Variants in SHPRH observed in about 807,000 individuals in gnomAD.
SHPRH encodes the protein SNF2 histone linker PHD RING helicase.
In SHPRH, 106 loss-of-function variants were observed where a neutral mutation model predicts 202.5. That is an observed-to-expected ratio of 0.52 (90% confidence interval 0.45 to 0.62). The LOEUF is 0.62. Ranked by LOEUF, SHPRH falls within the 20% of genes least tolerant of loss-of-function variation. SHPRH has a pLI of 0.00. For missense variants in SHPRH, 1,710 were observed against 2,020.0 expected (o/e 0.85, Z 2.94); for synonymous variants, 729 against 686.0 (o/e 1.06, Z -0.98).
intron 6 of SHPRH, 44 bp from the exon 7 acceptor site, chr6:145,946,385 A>G: frequency 6.9e-7 from 1 of 1,454,478 alleles, no homozygotes; most frequent in African/African-American, 1.4e-5. Flanking sequence ...TTTTGCTTTC[A>G]GTATTCTGAA....
In SHPRH at chr6:145,947,522, C is replaced by A; in HGVS notation, c.1183G>T (p.Val395Phe). 6.2e-7 allele frequency: 1 copy of A among 1,612,836 alleles called. No homozygotes were observed. Among genetic ancestry groups the A allele is most frequent in the Non-Finnish European group, 8.5e-7 (1 of 1,179,202 alleles). Residue 395 changes from valine (V) to phenylalanine (F), a missense_variant, in exon 6 of 30, where the codon GTC becomes TTC. By Grantham distance (50) the Val-to-Phe change is conservative. This residue lies in a region of SHPRH where 348 missense variants were observed against 356.9 expected (regional missense o/e 0.97). Coordinates refer to ENST00000275233, the MANE Select transcript of SHPRH (RefSeq NM_001042683.3). The part of the protein sequence containing the change: ...ALILTHTRQD[V>F]KQDALTLPEG... ...GGAAGAGTGAGAGCATCTTGCTTGA[C>A]ATCTTGTCGAGTATGTGTCAGAATC...
At chr6:145,948,035 ATC>A (rs1426610109) in intron 5 of SHPRH, among the ~76,000 whole-genome samples, 1 of 152,054 alleles carries the variant, frequency 6.6e-6, no homozygotes, top group South Asian at 2.1e-4. Flanking sequence ...TTAAATAATA[ATC>A]TCTTTTAGTC....
intron 25 of SHPRH, chr6:145,903,263 ATGTT>A (rs1280722231): frequency 2.0e-5 from 3 of 151,816 alleles, no homozygotes; most frequent in African/African-American, 7.2e-5. Context: ...TTTCACTCAG[ATGTT>A]TATTTTAATT....
intron 11 of SHPRH, among the ~76,000 whole-genome samples, chr6:145,936,978 C>CTTCT (rs1390044172): frequency 1.6e-4 from 20 of 125,662 alleles, no homozygotes; most frequent in African/African-American, 6.0e-4. Flanking sequence ...CATGCTTCAT[C>CTTCT]TTTTTTTTTT....
At chr6:145,926,088 C>A in intron 16 of SHPRH, 116 bp downstream of exon 16, 1 of 962,886 alleles carries the variant, frequency 1.0e-6, no homozygotes, top group Non-Finnish European at 1.5e-6. Flanking sequence ...ATCAAAGTAA[C>A]AGGAAAACAT....
chr6:145,902,727 A>C (rs1462603521), intron 25 of SHPRH, among the ~76,000 whole-genome samples: 1 of 152,094 alleles, frequency 6.6e-6, no homozygotes, highest in Non-Finnish European at 1.5e-5. Context: ...TAGACTATTC[A>C]ATTGTTTACA....
chr6:145,949,005 T>C lies in SHPRH; in HGVS notation c.983-655A>G, dbSNP rs984362315. On this transcript the variant is annotated intron_variant, in intron 4 of 29. Transcript: ENST00000275233. Reference sequence around the variant, plus strand: ...TTTAATTGGCTTCTTTAGAGATTAATAGATATTTTATATTTTTATATTCTA... The same window carrying C: ...TTTAATTGGCTTCTTTAGAGATTAACAGATATTTTATATTTTTATATTCTA... Among the ~76,000 whole-genome samples the C allele has an allele frequency of 5.3e-5, 8 of 152,008 alleles. No homozygotes were observed. In the South Asian group the frequency reaches 1.7e-3, roughly 31 times the overall value.
chr6:145,906,540 G>A (rs541224898), intron 25 of SHPRH: 1 of 152,134 alleles, frequency 6.6e-6, no homozygotes, highest in South Asian at 2.1e-4. Flanking sequence ...TTCTTTTCAA[G>A]AAACTTGTAT....
At position 145,941,691 on chromosome 6, in the gene SHPRH, G is replaced by C; in HGVS notation, c.2422C>G (p.Leu808Val). 1 of 1,614,000 alleles carries C rather than the reference G, an allele frequency of 6.2e-7. No individual in the cohort carries two copies. Among genetic ancestry groups the C allele is most frequent in the South Asian group, 1.1e-5 (1 of 91,078 alleles). ...ATCCTCCACCACTCCACAGCTACCA[G>C]GGGGCTCGGGATAGCCATATAGCGC... ...QKRYMAIPSPLVAVEWWRICL... is the reference protein window; with the variant it reads ...QKRYMAIPSPVVAVEWWRICL... The change falls in exon 10 of 30, where the codon CTG becomes GTG. Residue 808 changes from leucine (L) to valine (V), a missense_variant. Coordinates refer to ENST00000275233, the MANE Select transcript of SHPRH (RefSeq NM_001042683.3).
At chr6:145,954,527 G>C (rs911145116) in intron 2 of SHPRH, among the ~76,000 whole-genome samples, 163 bp downstream of exon 2, 1 of 152,110 alleles carries the variant, frequency 6.6e-6, no homozygotes, top group Non-Finnish European at 1.5e-5. Context: ...AAAATGATTA[G>C]TTGTAACATA....
chr6:145,889,998 A>G (rs1274427666), intron 28 of SHPRH, among the ~76,000 whole-genome samples: 1 of 152,188 alleles, frequency 6.6e-6, no homozygotes, highest in Non-Finnish European at 1.5e-5. Context: ...ACTCAAGGAC[A>G]TTGTCAAGCA....
chr6:145,903,882 A>G (rs1782721247), intron 25 of SHPRH: 1 of 152,090 alleles, frequency 6.6e-6, no homozygotes, highest in African/African-American at 2.4e-5. Flanking sequence ...CAGTTGTCAG[A>G]ACTTGCAAGG....
At chr6:145,872,171 G>A (rs939481419) in intron 2 of SHPRH, among the ~76,000 whole-genome samples, 6 of 152,112 alleles carry the variant, frequency 3.9e-5, no homozygotes, top group Admixed American at 2.6e-4. Context: ...AAAAGCAATT[G>A]CAACAAAAGC....
At chr6:145,871,825 C>G (rs1045238390) in intron 2 of SHPRH, among the ~76,000 whole-genome samples, 1 of 152,150 alleles carries the variant, frequency 6.6e-6, no homozygotes, top group African/African-American at 2.4e-5. Context: ...ACCAAAATAG[C>G]ACGGTACTGG....
At chr6:145,927,117 T>C (rs1784950941) in intron 15 of SHPRH, 72 bp downstream of exon 15, 1 of 1,385,792 alleles carries the variant, frequency 7.2e-7, no homozygotes, top group Non-Finnish European at 1.0e-6. Context: ...TTTATCCTCT[T>C]AAACATTCAG....
At chr6:145,958,296 T>C (rs1178542222) in intron 1 of SHPRH, among the ~76,000 whole-genome samples, 2 of 152,180 alleles carry the variant, frequency 1.3e-5, no homozygotes, top group African/African-American at 4.8e-5. Context: ...TTCTTATACA[T>C]AAATTATATC....
chr6:145,884,291 A>T (rs1176756069), downstream of SHPRH: 1 of 152,192 alleles, frequency 6.6e-6, no homozygotes, highest in Non-Finnish European at 1.5e-5. Flanking sequence ...ATACAAAGAG[A>T]AATGTGACGC....
intron 21 of SHPRH, among the ~76,000 whole-genome samples, chr6:145,920,151 G>C (rs1324308545): frequency 6.6e-6 from 1 of 152,056 alleles, no homozygotes; most frequent in Non-Finnish European, 1.5e-5. Flanking sequence ...TACATTTTGA[G>C]GTAGATCTGG....
chr6:145,907,705 GCTGA>G (rs527382942), intron 25 of SHPRH: 35 of 151,928 alleles, frequency 2.3e-4, no homozygotes, highest in African/African-American at 7.2e-4. Flanking sequence ...CTCTCCTCAG[GCTGA>G]CTAATTCATC....
Sources: gnomAD v4.1 joint callset for allele counts (sites outside exome capture counted in the v4.1 genomes callset) on GRCh38, gnomAD v4.1.1 for gene constraint, gnomAD v4.1.1 regional missense constraint, MANE v1.5 for transcripts, NCBI Gene and HGNC (gene_info 2026-07-23, HGNC 2026-07-21) for gene names.